BUB1B: variants seen among roughly 807,000 people sequenced by gnomAD.
BUB1B encodes the protein BUB1 mitotic checkpoint serine/threonine kinase B.
BUB1B carries 86 observed loss-of-function variants against 137.7 expected under a neutral mutation model. The observed-to-expected ratio is 0.62, with a 90% confidence interval of 0.52 to 0.75. The LOEUF is 0.75. Among genes scored for constraint, BUB1B ranks in the 30% least tolerant of loss-of-function variants. The pLI, the probability that BUB1B is intolerant of heterozygous loss-of-function variation, is 0.00. For missense variants in BUB1B, 1,130 were observed against 1,236.9 expected, an observed-to-expected ratio of 0.91 and a Z score of 1.30; for synonymous variants, 420 against 417.9, an observed-to-expected ratio of 1.00 and a Z score of -0.06.
At chr15:40,186,430 CTT>C (rs769074759) in intron 8 of BUB1B, among the ~76,000 whole-genome samples, 1 of 67,356 alleles carries the variant, frequency 1.5e-5, no homozygotes, top group Non-Finnish European at 2.6e-5. Context: ...TTGCCTAGTT[CTT>C]TTTTTTTTTT....
chr15:40,185,041 C>CT (rs1007028258), intron 6 of BUB1B, 124 bp from the exon 7 acceptor site: 38,704 of 553,446 alleles, frequency 0.07, no homozygotes, highest in Middle Eastern at 0.097. Context: ...TTTAAAATTT[C>CT]TTTTTTTTTT....
chr15:40,192,717 A>G (rs1442177737), intron 8 of BUB1B, among the ~76,000 whole-genome samples: 1 of 152,178 alleles, frequency 6.6e-6, no homozygotes, highest in African/African-American at 2.4e-5. Flanking sequence ...CTTCTGACAC[A>G]ATACCTCATT....
rs542986314 is a variant in BUB1B, at chr15:40,210,708, G to A, written c.2385+498G>A. Among the ~76,000 whole-genome samples, 11 of 152,158 alleles carry A rather than the reference G, an allele frequency of 7.2e-5. No individual in the cohort carries two copies. The East Asian group carries it at 1.5e-3, about 21-fold the overall frequency. ...TTTGTAGAGACGGGGGCCTCTCTGT[G>A]TTGCCTAGGCTGGTCTTGAATTCAT... On this transcript the variant is annotated intron_variant, in intron 18 of 22. Coordinates refer to ENST00000287598, the MANE Select transcript of BUB1B (RefSeq NM_001211.6).
intron 17 of BUB1B, 86 bp from the exon 18 acceptor site, chr15:40,210,024 C>T (rs1304994348): frequency 4.4e-6 from 5 of 1,135,334 alleles, no homozygotes; most frequent in Admixed American, 1.7e-5. Context: ...TACACCAGTG[C>T]CTCTATCCCT....
At chr15:40,204,724 C>T (rs1278071352) in intron 14 of BUB1B, among the ~76,000 whole-genome samples, 1 of 151,750 alleles carries the variant, frequency 6.6e-6, no homozygotes, top group Non-Finnish European at 1.5e-5. Context: ...GCAGCCTCTG[C>T]CTCCTGTACT....
intron 9 of BUB1B, among the ~76,000 whole-genome samples, chr15:40,199,203 C>T (rs920477820): frequency 6.6e-5 from 10 of 152,204 alleles, no homozygotes; most frequent in African/African-American, 2.4e-4. Flanking sequence ...CTCCCTTGGC[C>T]TCCATCTCCC....
chr15:40,211,324 T>G (rs1185903073), intron 18 of BUB1B, among the ~76,000 whole-genome samples: 2 of 152,174 alleles, frequency 1.3e-5, no homozygotes, highest in African/African-American at 4.8e-5. Context: ...TCTTCAAGTC[T>G]TTGGCTCTCT....
chr15:40,219,839 C>G (rs1218732431), intron 22 of BUB1B, among the ~76,000 whole-genome samples: 1 of 152,082 alleles, frequency 6.6e-6, no homozygotes, highest in African/African-American at 2.4e-5. Flanking sequence ...ATTTAATGCC[C>G]CTTCTCTATT....
intron 14 of BUB1B, among the ~76,000 whole-genome samples, chr15:40,204,052 C>G (rs2037607420): frequency 6.6e-6 from 1 of 152,178 alleles, no homozygotes; most frequent in Non-Finnish European, 1.5e-5. Flanking sequence ...GTAAACTGCA[C>G]AAATATTGTA....
rs369093501 is a variant in BUB1B, at chr15:40,170,743, G to C, written c.384+62G>C. ...TTAAACTAAGAGATTTTCTCTAGAG[G>C]TATCTGGTATACCAAAAAAAAAGTA... On this transcript the variant is annotated intron_variant, in intron 4 of 22. Coordinates refer to ENST00000287598, the MANE Select transcript of BUB1B (RefSeq NM_001211.6). 6 of 1,553,436 alleles carry C rather than the reference G, an allele frequency of 3.9e-6. No individual in the cohort carries two copies. In the African/African-American group the frequency reaches 6.8e-5, roughly 18 times the overall value.
At position 40,170,544 on chromosome 15, in the gene BUB1B, A is replaced by C. The variant is rs147832586; in HGVS notation, c.247A>C (p.Ser83Arg). 1.2e-6 allele frequency: 2 copies of C among 1,613,658 alleles called. No individual in the cohort carries two copies. Among genetic ancestry groups the C allele is most frequent in the Non-Finnish European group, 1.7e-6 (2 of 1,179,620 alleles). Reference sequence around the variant, plus strand: ...CTTTTTCCTCCCATTTAGGTATATCAGCTGGACAGAGCAGAACTATCCTCA... The same window carrying C: ...CTTTTTCCTCCCATTTAGGTATATCCGCTGGACAGAGCAGAACTATCCTCA... Reference protein sequence around the residue: ...DPLDVWDRYISWTEQNYPQGG... With the variant: ...DPLDVWDRYIRWTEQNYPQGG... Residue 83 changes from serine (S) to arginine (R), a missense_variant, in exon 4 of 23, where the codon AGC becomes CGC. Ser to Arg is a moderately radical substitution (Grantham distance 110). Coordinates refer to ENST00000287598, the MANE Select transcript of BUB1B (RefSeq NM_001211.6).
Position 40,220,892 on chromosome 15 carries a change from C to A in BUB1B, c.*133C>A. On this transcript the variant is annotated 3_prime_UTR_variant, in exon 23 of 23. Coordinates refer to ENST00000287598, the MANE Select transcript of BUB1B (RefSeq NM_001211.6). The stretch of plus-strand genomic sequence containing the variant: ...ACCATTGCTGTTCTACTTTTTGGTA[C>A]AGGTATATTTTGACGTCACTGATAT... 1 of 979,520 alleles carries A rather than the reference C, an allele frequency of 1.0e-6. No homozygotes were observed. The highest frequency in any genetic ancestry group is 1.6e-6 in the Non-Finnish European group (1 of 627,766). 60.7% of individuals were successfully genotyped at this position (979,520 alleles called of 1,614,324 possible).
At chr15:40,190,317 A>C (rs570285885) in intron 8 of BUB1B, among the ~76,000 whole-genome samples, 5 of 152,074 alleles carry the variant, frequency 3.3e-5, no homozygotes, top group African/African-American at 1.2e-4. Flanking sequence ...TTTTTAGTGA[A>C]AGTTGAGGCT....
rs2037040079 is a variant in BUB1B, at chr15:40,161,260, G to A, written c.35+5G>A. ...GAAGGAAGGGGGTGCTCTGAGGTAG[G>A]TACGGGAGAAAGCTGCTGGGGGCTG... On this transcript the variant is annotated splice_donor_5th_base_variant and intron_variant, in intron 1 of 22. Coordinates refer to ENST00000287598, the MANE Select transcript of BUB1B (RefSeq NM_001211.6). The A allele has an allele frequency of 6.2e-7, 1 of 1,612,396 alleles. No homozygotes were observed. The highest frequency in any genetic ancestry group is 1.3e-5 in the African/African-American group (1 of 75,004).
intron 6 of BUB1B, among the ~76,000 whole-genome samples, chr15:40,184,361 G>C (rs2037334038): frequency 6.6e-6 from 1 of 151,352 alleles, no homozygotes; most frequent in Non-Finnish European, 1.5e-5. Context: ...CTGAAACGTG[G>C]TAGTGCAATC....
chr15:40,211,142 T>C (rs2037705658), intron 18 of BUB1B, among the ~76,000 whole-genome samples: 1 of 152,176 alleles, frequency 6.6e-6, no homozygotes, highest in African/African-American at 2.4e-5. Flanking sequence ...TCTTTGTCTT[T>C]TTACTTTACT....
intron 1 of BUB1B, among the ~76,000 whole-genome samples, chr15:40,164,012 G>A (rs1441101239): frequency 6.6e-6 from 1 of 152,120 alleles, no homozygotes; most frequent in Non-Finnish European, 1.5e-5. Context: ...TCTAACCATT[G>A]CAGGGCTCTG....
intron 5 of BUB1B, among the ~76,000 whole-genome samples, chr15:40,180,648 T>C (rs796087064): frequency 6.7e-5 from 8 of 118,704 alleles, no homozygotes; most frequent in East Asian, 4.5e-4. Context: ...TTTTCTTTTT[T>C]TTTTTTTTTT....
At chr15:40,168,125 T>C (rs569072133) in intron 2 of BUB1B, among the ~76,000 whole-genome samples, 3 of 151,058 alleles carry the variant, frequency 2.0e-5, no homozygotes, top group South Asian at 2.1e-4. Context: ...CCCAGCACTT[T>C]AGGAGGCCGA....
Sources: gnomAD v4.1 joint callset for allele counts (sites outside exome capture counted in the v4.1 genomes callset) on GRCh38, gnomAD v4.1.1 for gene constraint, MANE v1.5 for transcripts, NCBI Gene and HGNC (gene_info 2026-07-23, HGNC 2026-07-21) for gene names.